The following CCDC190 variants were observed in gnomAD, a reference collection of about 807,000 sequenced individuals.
CCDC190 encodes the protein coiled-coil domain-containing protein 190.
CCDC190 carries 10 observed loss-of-function variants against 13.1 expected under a neutral mutation model. The observed-to-expected ratio is 0.77, with a 90% CI of 0.47 to 1.30. CCDC190 has a LOEUF of 1.30. Ranked by LOEUF, CCDC190 falls within the 50% of genes most tolerant of loss-of-function variation. The pLI is 0.00. For missense variants in CCDC190, 375 were observed against 354.3 expected, an observed-to-expected ratio of 1.06 and a Z score of -0.47; for synonymous variants, 136 against 127.2, an observed-to-expected ratio of 1.07 and a Z score of -0.47.
At chr1:162,866,526 A>C (rs1650713186) in intron 1 of CCDC190, among the ~76,000 whole-genome samples, 1 of 152,204 alleles carries the variant, frequency 6.6e-6, no homozygotes, top group Non-Finnish European at 1.5e-5. Flanking sequence ...TCTTCTAAAA[A>C]TTATCTGTAG....
chr1:162,855,668 C>T lies in CCDC190; in HGVS notation c.275G>A (p.Arg92Lys). ...AGCCTGTGGGGCTCTGTGCTTCTGC[C>T]TTCCCTGTGGTGAGAACACGAGAAC... ...EDVLVFSPQG[R>K]QKHRAPQAKK... Residue 92 changes from arginine (R) to lysine (K), a missense_variant, in exon 3 of 4, where the codon AGG becomes AAG. Arg to Lys is a conservative substitution (Grantham distance 26). Transcript: ENST00000367912. 6.2e-7 allele frequency: 1 copy of T among 1,613,838 alleles called. No homozygotes were observed. The highest frequency in any genetic ancestry group is 8.5e-7 in the Non-Finnish European group (1 of 1,179,784).
chr1:162,859,389 C>T, intron 2 of CCDC190, 71 bp downstream of exon 2: 1 of 1,403,280 alleles, frequency 7.1e-7, no homozygotes, highest in Non-Finnish European at 9.7e-7. Context: ...GAAAGGGCCT[C>T]AGCGGAGTGA....
Position 162,854,982 on chromosome 1 carries a change from A to T in CCDC190, c.689T>A (p.Met230Lys). ...NTGKQIPPKH[M>K]ECAGSFEGEF... ...GCCTTCGAAGCTTCCTGCACATTCCATGTGTTTTGGGGGAATTTGTTTTCC... is the reference window on the plus strand; with the variant it reads ...GCCTTCGAAGCTTCCTGCACATTCCTTGTGTTTTGGGGGAATTTGTTTTCC... The change falls in exon 4 of 4, where the codon ATG (methionine) becomes AAG (lysine). Residue 230 changes from methionine to lysine, a missense_variant. Physicochemically the swap from Met to Lys is moderately conservative, Grantham distance 95. Transcript: ENST00000367912. 5.6e-6 allele frequency: 9 copies of T among 1,613,920 alleles called. No individual in the cohort carries two copies. Among genetic ancestry groups the T allele is most frequent in the Non-Finnish European group, 7.6e-6 (9 of 1,179,860 alleles).
intron 2 of CCDC190, among the ~76,000 whole-genome samples, chr1:162,857,960 T>A (rs934267383): frequency 9.2e-5 from 14 of 152,218 alleles, no homozygotes; most frequent in African/African-American, 3.4e-4. Flanking sequence ...TTAAGCCTAA[T>A]TTCTAACCTG....
rs1309812946 is a variant in CCDC190 at position 162,855,210 on chromosome 1, G to A, written c.461C>T (p.Pro154Leu). Residue 154 changes from proline to leucine, a missense_variant, in exon 4 of 4, where the codon CCA becomes CTA. Physicochemically the swap from Pro to Leu is moderately conservative, Grantham distance 98 (BLOSUM62 -3). Transcript: ENST00000367912. ...CACAGAATCTTTCTCTTGGGCTTGT[G>A]GTTGCTCTTTTATGAAGCAGGCAGT... ...NRTACFIKEQ[P>L]QAQEKDSVNP... 1.9e-6 allele frequency: 3 copies of A among 1,613,932 alleles called. No homozygotes were observed. Among genetic ancestry groups the A allele is most frequent in the Middle Eastern group, 3.3e-4 (2 of 6,062 alleles).
chr1:162,859,702 CTG>C, intron 1 of CCDC190, 44 bp from the exon 2 acceptor site: 1 of 1,492,100 alleles, frequency 6.7e-7, no homozygotes, highest in African/African-American at 1.4e-5. Flanking sequence ...AAATGGAAGA[CTG>C]GGATACTGAC....
At chr1:162,855,546 C>T (rs975015642) in intron 3 of CCDC190, 86 bp downstream of exon 3, 2 of 1,561,646 alleles carry the variant, frequency 1.3e-6, no homozygotes, top group African/African-American at 1.4e-5. Context: ...TGGAACGGAG[C>T]ATTTCTTCAG....
At position 162,856,025 on chromosome 1, in the gene CCDC190, A is replaced by G. The variant is rs1650290613; in HGVS notation, c.188-270T>C. ...AGACAGCCATCTGTAAGCCAAGGAGAGAGGCCTGAAACAGAGCCTGCCCTC... is the reference window on the plus strand; with the variant it reads ...AGACAGCCATCTGTAAGCCAAGGAGGGAGGCCTGAAACAGAGCCTGCCCTC... On this transcript the variant is annotated intron_variant, in intron 2 of 3. Coordinates refer to ENST00000367912, the MANE Select transcript of CCDC190 (RefSeq NM_001394065.1). 7 of 266,242 alleles carry G rather than the reference A, an allele frequency of 2.6e-5. No homozygotes were observed. The Admixed American group carries it at 3.4e-4, about 13-fold the overall frequency. 16.5% of individuals were successfully genotyped at this position (266,242 alleles called of 1,614,324 possible).
rs1044204893 is a variant in CCDC190 at position 162,851,139 on chromosome 1, C to T, written c.*3626G>A. Among the ~76,000 whole-genome samples, 2 of 152,154 alleles carry T rather than the reference C, an allele frequency of 1.3e-5. No homozygotes were observed. The highest frequency in any genetic ancestry group is 4.8e-5 in the African/African-American group (2 of 41,420). ...CTCCACCCGTGGAACTTCTGTTCTA[C>T]TGCAGTGGCCTCAGGCAGAAAAGGA... On this transcript the variant is annotated 3_prime_UTR_variant, in exon 4 of 4. Transcript: ENST00000367912.
chr1:162,859,073 T>C (rs1229920450), intron 2 of CCDC190, among the ~76,000 whole-genome samples: 1 of 152,130 alleles, frequency 6.6e-6, no homozygotes, highest in African/African-American at 2.4e-5. Flanking sequence ...CTCAATAAAT[T>C]GTTGTTAGAT....
Position 162,854,670 on chromosome 1 carries a change from TG to T in CCDC190, c.*94del. 5 of 1,462,928 alleles carry T rather than the reference TG, an allele frequency of 3.4e-6. No individual in the cohort carries two copies. The highest frequency in any genetic ancestry group is 4.5e-6 in the Non-Finnish European group (5 of 1,108,990). The allele number at this position is 1,462,928 out of a possible 1,614,324, so 90.6% of individuals were successfully genotyped here. ...AATAAAATTGTAATTCAATTATGTT[TG>T]TTTGTTTTTCTCTGTATTGCTTAAT... On this transcript the variant is annotated 3_prime_UTR_variant, in exon 4 of 4. Transcript: ENST00000367912.
In CCDC190 at chr1:162,851,872, A is replaced by G. The variant is rs1650119136; in HGVS notation, c.*2893T>C. ...TTTGTAGGGTTGAAAGCATTTCTTA[A>G]CTGAAAACGAGGGCAGGAGCCATCG... On this transcript the variant is annotated 3_prime_UTR_variant, in exon 4 of 4. Coordinates refer to ENST00000367912, the MANE Select transcript of CCDC190 (RefSeq NM_001394065.1). 1 of 152,214 alleles carries G rather than the reference A, an allele frequency of 6.6e-6. No individual in the cohort carries two copies. The allele number at this position is 152,214 out of a possible 1,614,324, so 9.4% of individuals were successfully genotyped here. A position where few individuals can be genotyped will look rare whatever the true frequency, so the allele number is the denominator to read the frequency against.
rs1161889590 is a variant in CCDC190 at position 162,852,210 on chromosome 1, G to T, written c.*2555C>A. 3 of 152,208 alleles carry T rather than the reference G, an allele frequency of 2.0e-5. No individual in the cohort carries two copies. Among genetic ancestry groups the T allele is most frequent in the African/African-American group, 7.2e-5 (3 of 41,436 alleles). The allele number at this position is 152,208 out of a possible 1,614,324, so 9.4% of individuals were successfully genotyped here. On this transcript the variant is annotated 3_prime_UTR_variant, in exon 4 of 4. Coordinates refer to ENST00000367912, the MANE Select transcript of CCDC190 (RefSeq NM_001394065.1). ...TATGGTCCCTACCTACTAGACTCCA[G>T]TGGCAGCCCCCTCACCTCAGTTATG...
rs190249067 is a variant in CCDC190 at position 162,855,170 on chromosome 1, G to A, written c.501C>T (p.Asp167=). The stretch of plus-strand genomic sequence containing the variant: ...CAGAGATGCCCTTGCTGGGGTCTAC[G>A]TCCTTAGATGGATTCACAGAATCTT... The part of the protein sequence containing the change: ...QEKDSVNPSK[D]VDPSKGISVP... Residue 167 remains aspartate (D), a synonymous_variant, in exon 4 of 4, where the codon GAC becomes GAT. Transcript: ENST00000367912. 3.3e-3 allele frequency: 5,259 copies of A among 1,613,958 alleles called. 20 individuals carry two copies. The highest frequency in any genetic ancestry group is 6.2e-3 in the East Asian group (278 of 44,882).
At position 162,855,184 on chromosome 1, in the gene CCDC190, T is replaced by A. The variant is rs781561938; in HGVS notation, c.487A>T (p.Asn163Tyr). 3.1e-6 allele frequency: 5 copies of A among 1,613,964 alleles called. No individual in the cohort carries two copies. Among genetic ancestry groups the A allele is most frequent in the Non-Finnish European group, 4.2e-6 (5 of 1,179,878 alleles). ...QPQAQEKDSV[N>Y]PSKDVDPSKG... ...CTGGGGTCTACGTCCTTAGATGGAT[T>A]CACAGAATCTTTCTCTTGGGCTTGT... Residue 163 changes from asparagine (N) to tyrosine (Y), a missense_variant, in exon 4 of 4, where the codon AAT (asparagine) becomes TAT (tyrosine). Coordinates refer to ENST00000367912, the MANE Select transcript of CCDC190 (RefSeq NM_001394065.1).
chr1:162,859,958 C>T (rs1650443427), intron 1 of CCDC190, among the ~76,000 whole-genome samples: 1 of 148,240 alleles, frequency 6.7e-6, no homozygotes, highest in Non-Finnish European at 1.5e-5. Flanking sequence ...AAGAACAACT[C>T]TTTGGAAAAA....
chr1:162,858,882 G>C (rs1157587202), intron 2 of CCDC190, among the ~76,000 whole-genome samples: 1 of 152,202 alleles, frequency 6.6e-6, no homozygotes, highest in African/African-American at 2.4e-5. Flanking sequence ...CTTACTTTAT[G>C]TTTTGGTACT....
intron 2 of CCDC190, among the ~76,000 whole-genome samples, chr1:162,856,649 C>A (rs1650312201): frequency 6.6e-6 from 1 of 152,196 alleles, no homozygotes; most frequent in East Asian, 1.9e-4. Context: ...AAGTCTTGGA[C>A]TAGTTTTGCT....
intron 2 of CCDC190, among the ~76,000 whole-genome samples, chr1:162,858,947 AT>A: frequency 6.6e-6 from 1 of 152,280 alleles, no homozygotes; most frequent in Middle Eastern, 3.4e-3. Flanking sequence ...AAATACTTTT[AT>A]TTTACATTGG....
Sources: allele counts gnomAD v4.1 joint callset (sites outside exome capture counted in the v4.1 genomes callset), GRCh38; gene constraint gnomAD v4.1.1; transcripts MANE v1.5; gene names NCBI Gene and HGNC (gene_info 2026-07-23, HGNC 2026-07-21).